The following SLC35F4 variants were observed in gnomAD, a reference collection of about 807,000 sequenced individuals.
SLC35F4 encodes the protein chromosome 14 open reading frame 36.
In SLC35F4, 24 loss-of-function variants were observed where a neutral mutation model predicts 44.2. The ratio of observed to expected loss-of-function variants is 0.54; its 90% CI spans 0.39 to 0.76. The LOEUF (loss-of-function observed/expected upper bound fraction) is 0.76, where lower values mean the gene tolerates loss of function less well. Among genes scored for constraint, SLC35F4 ranks in the 30% least tolerant of loss-of-function variants. The pLI, the probability that SLC35F4 is intolerant of heterozygous loss-of-function variation, is 0.00. For synonymous variants in SLC35F4, 238 were observed against 223.6 expected, an observed-to-expected ratio of 1.06 and a Z score of -0.57; for missense variants, 562 against 586.1, an observed-to-expected ratio of 0.96 and a Z score of 0.42.
rs1049804531 is a variant in SLC35F4 at position 57,951,020 on chromosome 14, C to T, written n.282+30893G>A. ...AATTTGGGGTGGCTGGCAAGATGGC[C>T]AATTGGGAACACCTCTAGTCTGCAG... On this transcript the variant is annotated intron_variant and non_coding_transcript_variant, in intron 1 of 1. Transcript: ENST00000556568. Among the ~76,000 whole-genome samples, 8 of 152,208 alleles carry T rather than the reference C, an allele frequency of 5.3e-5. No homozygotes were observed. The South Asian group carries it at 1.7e-3, about 32-fold the overall frequency.
chr14:57,974,471 C>T (rs184171090), downstream of SLC35F4, among the ~76,000 whole-genome samples: 1 of 152,204 alleles, frequency 6.6e-6, no homozygotes, highest in South Asian at 2.1e-4. Flanking sequence ...CATCAATTAA[C>T]CTGTGGCCCT....
chr14:57,682,637 T>TGA (rs969113870), intron 1 of SLC35F4, among the ~76,000 whole-genome samples: 1 of 83,780 alleles, frequency 1.2e-5, no homozygotes, highest in Non-Finnish European at 2.5e-5. Flanking sequence ...TAAAGTATAA[T>TGA]GAAAAAAAAA....
chr14:57,954,610 A>G (rs1195830899), intron 1 of SLC35F4, among the ~76,000 whole-genome samples: 2 of 152,234 alleles, frequency 1.3e-5, no homozygotes, highest in African/African-American at 2.4e-5. Context: ...CTGATCCCAC[A>G]CTAATACAAA....
chr14:57,609,084 T>C (rs549150734), intron 1 of SLC35F4, among the ~76,000 whole-genome samples: 62 of 152,244 alleles, frequency 4.1e-4, no homozygotes, highest in African/African-American at 1.4e-3. Context: ...TGTGTTAATT[T>C]AAGGAGTCGA....
At chr14:57,867,184 C>T (rs1888190929), upstream of SLC35F4, among the ~76,000 whole-genome samples, 1 of 152,014 alleles carries the variant, frequency 6.6e-6, no homozygotes, top group African/African-American at 2.4e-5. Context: ...CAAAAGTCGA[C>T]TTCAATGCCC....
chr14:57,821,737 CTAG>C (rs1883196297), intron 1 of SLC35F4, among the ~76,000 whole-genome samples: 1 of 152,184 alleles, frequency 6.6e-6, no homozygotes, highest in South Asian at 2.1e-4. Flanking sequence ...GAAGGGATTT[CTAG>C]TAAGTTGAAA....
intron 1 of SLC35F4, among the ~76,000 whole-genome samples, chr14:57,898,112 C>T (rs1229413430): frequency 6.7e-6 from 1 of 149,648 alleles, no homozygotes; most frequent in African/African-American, 2.4e-5. Context: ...ACTCTGTAGC[C>T]ACTCAAAAGT....
intron 1 of SLC35F4, among the ~76,000 whole-genome samples, chr14:57,815,428 G>A (rs190206943): frequency 4.6e-5 from 7 of 152,288 alleles, no homozygotes; most frequent in African/African-American, 7.2e-5. Context: ...CATCTAAGTC[G>A]TGTACAGAAA....
chr14:57,597,347 T>A (rs2139951782), intron 1 of SLC35F4, among the ~76,000 whole-genome samples: 1 of 152,292 alleles, frequency 6.6e-6, no homozygotes, highest in East Asian at 1.9e-4. Flanking sequence ...CTTGGGCCAT[T>A]TTCATTATTT....
chr14:57,606,640 C>G (rs1409204799), intron 1 of SLC35F4, among the ~76,000 whole-genome samples: 1 of 152,174 alleles, frequency 6.6e-6, no homozygotes, highest in Non-Finnish European at 1.5e-5. Flanking sequence ...TCCTTATGGA[C>G]CTTGTGACAT....
chr14:57,794,326 G>C (rs1056030556), intron 1 of SLC35F4, among the ~76,000 whole-genome samples: 1 of 151,936 alleles, frequency 6.6e-6, no homozygotes, highest in Non-Finnish European at 1.5e-5. Context: ...GTTCAGAATT[G>C]ACAAGGAACT....
chr14:57,577,679 A>AAAG (rs1566634425), intron 4 of SLC35F4, among the ~76,000 whole-genome samples: 1 of 152,092 alleles, frequency 6.6e-6, no homozygotes, highest in Non-Finnish European at 1.5e-5. Flanking sequence ...TTAAAAAAAA[A>AAAG]AAAATTAAGG....
chr14:57,829,718 C>A (rs1884148876), intron 1 of SLC35F4, among the ~76,000 whole-genome samples: 1 of 152,160 alleles, frequency 6.6e-6, no homozygotes, highest in African/African-American at 2.4e-5. Flanking sequence ...ATCGCTACTG[C>A]AACAGGGGTT....
intron 1 of SLC35F4, among the ~76,000 whole-genome samples, chr14:57,619,964 A>G (rs1466592793): frequency 2.0e-5 from 3 of 152,122 alleles, no homozygotes; most frequent in Admixed American, 6.5e-5. Flanking sequence ...CAACTCAATG[A>G]AATAAAGCAA....
chr14:57,766,421 C>G (rs1054285282), intron 1 of SLC35F4, among the ~76,000 whole-genome samples: 3 of 152,136 alleles, frequency 2.0e-5, no homozygotes, highest in Non-Finnish European at 2.9e-5. Context: ...GAGGAAGATT[C>G]CCTGTCAGAA....
At chr14:57,789,809 G>C (rs1239290920) in intron 1 of SLC35F4, among the ~76,000 whole-genome samples, 2 of 152,152 alleles carry the variant, frequency 1.3e-5, no homozygotes, top group African/African-American at 4.8e-5. Flanking sequence ...TATCAAGTTG[G>C]CTTCATCCCT....
intron 1 of SLC35F4, among the ~76,000 whole-genome samples, chr14:57,914,288 G>C (rs1183873322): frequency 6.6e-6 from 1 of 152,224 alleles, no homozygotes; most frequent in African/African-American, 2.4e-5. Flanking sequence ...TCTCAGCCGG[G>C]CATGGTGGCT....
chr14:57,899,215 C>T (rs189995299), intron 1 of SLC35F4, among the ~76,000 whole-genome samples: 2 of 152,238 alleles, frequency 1.3e-5, no homozygotes, highest in Non-Finnish European at 2.9e-5. Context: ...ACACGAAGCA[C>T]TTCATACTCA....
intron 1 of SLC35F4, among the ~76,000 whole-genome samples, chr14:57,669,760 A>T (rs138224900): frequency 6.6e-6 from 1 of 151,884 alleles, no homozygotes; most frequent in Non-Finnish European, 1.5e-5. Flanking sequence ...TTTTTGCATC[A>T]ATGTTCACCA....
Sources: gnomAD v4.1 joint callset for allele counts (sites outside exome capture counted in the v4.1 genomes callset) on GRCh38, gnomAD v4.1.1 for gene constraint, MANE v1.5 for transcripts, NCBI Gene and HGNC (gene_info 2026-07-23, HGNC 2026-07-21) for gene names.